CHSY3: variants seen among roughly 807,000 people sequenced by gnomAD.
CHSY3 encodes the protein N-acetylgalactosaminyl-proteoglycan 3-beta-glucuronosyltransferase 3.
Under a neutral mutation model 67.2 loss-of-function variants are expected in CHSY3, and 35 were observed. The ratio of observed to expected loss-of-function variants is 0.52; its 90% CI spans 0.40 to 0.69. The LOEUF (loss-of-function observed/expected upper bound fraction) is 0.69. Ranked by LOEUF, CHSY3 falls within the 30% of genes least tolerant of loss-of-function variation. The pLI is 0.00. For missense variants in CHSY3, 1,069 were observed against 1,138.5 expected (o/e 0.94, Z 0.88); for synonymous variants, 474 against 434.7 (o/e 1.09, Z -1.12).
chr5:129,917,354 A>G (rs1760762233), intron 2 of CHSY3, among the ~76,000 whole-genome samples: 2 of 152,210 alleles, frequency 1.3e-5, no homozygotes, highest in Non-Finnish European at 2.9e-5. Context: ...TTTGATGTGG[A>G]TGTTATTACA....
intron 2 of CHSY3, among the ~76,000 whole-genome samples, chr5:129,999,495 G>C (rs1763656328): frequency 6.6e-6 from 1 of 152,042 alleles, no homozygotes; most frequent in Non-Finnish European, 1.5e-5. Flanking sequence ...TCCATCCTAA[G>C]AAATGCAATG....
intron 1 of CHSY3, among the ~76,000 whole-genome samples, chr5:129,906,888 A>G (rs1760324419): frequency 9.0e-6 from 1 of 111,146 alleles, no homozygotes; most frequent in African/African-American, 2.8e-5. Context: ...GCATTTTGGC[A>G]CAAGGAATTA....
intron 2 of CHSY3, among the ~76,000 whole-genome samples, chr5:130,159,642 C>T (rs1245809096): frequency 1.3e-5 from 2 of 152,032 alleles, no homozygotes; most frequent in African/African-American, 4.8e-5. Context: ...AATATCTAGT[C>T]GTTGCATTTT....
chr5:130,017,644 TAA>T (rs1175418349), intron 2 of CHSY3, among the ~76,000 whole-genome samples: 1 of 152,198 alleles, frequency 6.6e-6, no homozygotes, highest in Non-Finnish European at 1.5e-5. Context: ...TCCCTGCTCT[TAA>T]GTGATGTTTA....
chr5:130,078,990 CT>C (rs1384235313), intron 2 of CHSY3, among the ~76,000 whole-genome samples: 1 of 152,164 alleles, frequency 6.6e-6, no homozygotes, highest in Non-Finnish European at 1.5e-5. Flanking sequence ...TAAGTATATA[CT>C]GAGATTTCTT....
intron 2 of CHSY3, among the ~76,000 whole-genome samples, chr5:129,967,502 C>T (rs1018132676): frequency 3.3e-5 from 5 of 151,740 alleles, no homozygotes. Context: ...TTTAAAAGAT[C>T]TAATATTTAC....
chr5:130,016,941 G>A (rs939443594), intron 2 of CHSY3, among the ~76,000 whole-genome samples: 1 of 152,102 alleles, frequency 6.6e-6, no homozygotes, highest in African/African-American at 2.4e-5. Context: ...CGACACATTA[G>A]GAAAATGGGT....
intron 2 of CHSY3, among the ~76,000 whole-genome samples, chr5:130,160,877 A>G (rs1460724878): frequency 1.4e-5 from 2 of 147,286 alleles, no homozygotes; most frequent in Non-Finnish European, 3.0e-5. Context: ...AATACTGATC[A>G]TTTTTATTTA....
chr5:129,979,498 T>C (rs1452519122), intron 2 of CHSY3, among the ~76,000 whole-genome samples: 1 of 152,148 alleles, frequency 6.6e-6, no homozygotes, highest in East Asian at 1.9e-4. Flanking sequence ...CACAGCAGAA[T>C]TGAGATTTCC....
In CHSY3 at chr5:129,904,552, TGCCGCCGCTGCCGCCACC is replaced by T. The variant is rs1424252418; in HGVS notation, c.-269_-252del. On this transcript the variant is annotated 5_prime_UTR_variant, in exon 1 of 3. Transcript: ENST00000305031. ...CTGCAGCTCCTCCAGCTGCCGCTGC[TGCCGCCGCTGCCGCCACC>T]GCCGCCGCCGGGAGAAGTTTCACTC... 2 of 361,718 alleles carry T rather than the reference TGCCGCCGCTGCCGCCACC, an allele frequency of 5.5e-6. No individual in the cohort carries two copies. Among genetic ancestry groups the T allele is most frequent in the African/African-American group, 2.1e-5 (1 of 46,540 alleles). 22.4% of individuals were successfully genotyped at this position (361,718 alleles called of 1,614,324 possible). A position where few individuals can be genotyped will look rare whatever the true frequency, so the allele number is the denominator to read the frequency against.
intron 2 of CHSY3, among the ~76,000 whole-genome samples, chr5:130,171,994 T>C (rs1029933756): frequency 1.3e-5 from 2 of 152,110 alleles, no homozygotes; most frequent in African/African-American, 4.8e-5. Context: ...CATAGCTCAG[T>C]GCTGTGTTCA....
intron 2 of CHSY3, among the ~76,000 whole-genome samples, chr5:130,168,755 G>A (rs1580796105): frequency 6.6e-6 from 1 of 152,016 alleles, no homozygotes; most frequent in East Asian, 1.9e-4. Flanking sequence ...CTAGGAGCTG[G>A]TCATCTAGAA....
chr5:129,935,654 A>T (rs1271190519), intron 2 of CHSY3, among the ~76,000 whole-genome samples: 1 of 152,190 alleles, frequency 6.6e-6, no homozygotes, highest in African/African-American at 2.4e-5. Flanking sequence ...CTTAGAAATG[A>T]GATGTGGCTA....
intron 2 of CHSY3, among the ~76,000 whole-genome samples, chr5:129,926,555 G>A (rs539131906): frequency 2.0e-5 from 3 of 151,672 alleles, no homozygotes; most frequent in South Asian, 4.2e-4. Context: ...ATTCCCCTAC[G>A]GTTGTTTAAA....
chr5:130,007,745 G>A (rs768548900), intron 2 of CHSY3, among the ~76,000 whole-genome samples: 2 of 152,068 alleles, frequency 1.3e-5, no homozygotes, highest in Non-Finnish European at 2.9e-5. Flanking sequence ...CTCAAGACTC[G>A]CCAAATTCCT....
intron 2 of CHSY3, among the ~76,000 whole-genome samples, chr5:130,039,496 C>CACTCTAGCCTGGG (rs1580674096): frequency 6.6e-6 from 1 of 151,952 alleles, no homozygotes; most frequent in African/African-American, 2.4e-5. Context: ...GACCCTGTAT[C>CACTCTAGCCTGGG]TAAAAACAAA....
At chr5:130,009,752 C>A (rs1320131461) in intron 2 of CHSY3, among the ~76,000 whole-genome samples, 1 of 152,024 alleles carries the variant, frequency 6.6e-6, no homozygotes, top group Non-Finnish European at 1.5e-5. Flanking sequence ...GAACCATCTC[C>A]CATGCAGTGA....
chr5:130,156,535 G>A (rs1415954780), intron 2 of CHSY3, among the ~76,000 whole-genome samples: 1 of 152,206 alleles, frequency 6.6e-6, no homozygotes, highest in African/African-American at 2.4e-5. Context: ...TGATTTGAAT[G>A]AAGGACTATA....
chr5:130,023,031 A>G (rs1764438539), intron 2 of CHSY3, among the ~76,000 whole-genome samples: 1 of 152,036 alleles, frequency 6.6e-6, no homozygotes, highest in South Asian at 2.1e-4. Flanking sequence ...AACAATGACT[A>G]GAATGTCCTT....
Sources: allele counts gnomAD v4.1 joint callset (sites outside exome capture counted in the v4.1 genomes callset), GRCh38; gene constraint gnomAD v4.1.1; transcripts MANE v1.5; gene names NCBI Gene and HGNC (gene_info 2026-07-23, HGNC 2026-07-21).